Variants in RSF1 observed in about 807,000 individuals in gnomAD.
The protein encoded by RSF1 is HBV pX-associated protein 8.
In RSF1, 13 loss-of-function variants were observed where a neutral mutation model predicts 145.2. The ratio of observed to expected loss-of-function variants is 0.09; its 90% CI spans 0.06 to 0.14. The LOEUF is 0.14. RSF1 is among the 10% of genes least tolerant of loss of function. The probability of loss-of-function intolerance (pLI) is 1.00; values close to 1 mark genes in which losing one functional copy is unlikely to be tolerated. For synonymous variants in RSF1, 577 were observed against 592.6 expected, an observed-to-expected ratio of 0.97 and a Z score of 0.38; for missense variants, 1,517 against 1,718.2, an observed-to-expected ratio of 0.88 and a Z score of 2.07.
At chr11:77,800,097 A>C (rs1426397448) in intron 1 of RSF1, among the ~76,000 whole-genome samples, 1 of 152,166 alleles carries the variant, frequency 6.6e-6, no homozygotes, top group East Asian at 1.9e-4. Context: ...GTGCCCTACG[A>C]TTGCTCCCGT....
At chr11:77,683,567 T>G in intron 11 of RSF1, 143 bp downstream of exon 11, 2 of 491,182 alleles carry the variant, frequency 4.1e-6, no homozygotes, top group South Asian at 9.3e-5. Flanking sequence ...AAAAAAAAAA[T>G]TCTATGACTA....
At chr11:77,669,297 C>T (rs1474077643) in intron 15 of RSF1, among the ~76,000 whole-genome samples, 1 of 152,162 alleles carries the variant, frequency 6.6e-6, no homozygotes, top group African/African-American at 2.4e-5. Context: ...AGCTTCTGCC[C>T]TGGCCCCCTT....
Position 77,685,120 on chromosome 11 carries a change from G to A in RSF1, c.2940C>T (p.Asn980=). The change falls in exon 10 of 16, where the codon AAC becomes AAT. Residue 980 remains asparagine, a synonymous_variant. Coordinates refer to ENST00000308488, the MANE Select transcript of RSF1 (RefSeq NM_016578.4). The part of the protein sequence containing the change: ...RLVYVGISIE[N]IIPPQEPDFS... ...AGAAACTTACTTGTGGAGGAATGAT[G>A]TTTTCAATACTGATACCAACATACA... is the stretch of plus-strand genomic sequence containing the variant. 6.5e-7 allele frequency: 1 copy of A among 1,547,394 alleles called. No homozygotes were observed. Among genetic ancestry groups the A allele is most frequent in the Non-Finnish European group, 8.7e-7 (1 of 1,146,656 alleles).
chr11:77,720,056 T>C (rs1240333657), intron 5 of RSF1, among the ~76,000 whole-genome samples: 1 of 152,196 alleles, frequency 6.6e-6, no homozygotes, highest in Non-Finnish European at 1.5e-5. Flanking sequence ...AATTAGTGGT[T>C]ATGGTTGCAC....
chr11:77,675,384 G>A (rs558929379), intron 13 of RSF1, 128 bp from the exon 14 acceptor site: 10 of 664,710 alleles, frequency 1.5e-5, no homozygotes, highest in South Asian at 1.3e-4. Context: ...CTGGATAATT[G>A]TATCAAATGC....
chr11:77,783,545 G>T (rs181409429), intron 1 of RSF1, among the ~76,000 whole-genome samples: 83 of 152,210 alleles, frequency 5.5e-4, no homozygotes, highest in South Asian at 1.9e-3. Context: ...TAGTACTTTT[G>T]TAACATCCAT....
intron 5 of RSF1, among the ~76,000 whole-genome samples, chr11:77,711,325 G>A (rs2135867182): frequency 6.6e-6 from 1 of 152,066 alleles, no homozygotes; most frequent in South Asian, 2.1e-4. Context: ...AACATTTTCA[G>A]AATAACAATA....
intron 1 of RSF1, among the ~76,000 whole-genome samples, chr11:77,783,378 T>G (rs1948423203): frequency 6.6e-6 from 1 of 152,230 alleles, no homozygotes. Context: ...TCACTTTGTC[T>G]AGGTCCAAGT....
chr11:77,713,529 G>A (rs1441893737), intron 5 of RSF1, among the ~76,000 whole-genome samples: 1 of 152,158 alleles, frequency 6.6e-6, no homozygotes, highest in Non-Finnish European at 1.5e-5. Context: ...ATGTTGAATG[G>A]TCTGCACTGA....
intron 4 of RSF1, among the ~76,000 whole-genome samples, chr11:77,728,877 A>T (rs1311616203): frequency 1.3e-5 from 2 of 151,868 alleles, no homozygotes; most frequent in Non-Finnish European, 2.9e-5. Flanking sequence ...AAAAAAAAAA[A>T]ACTGCTCAAT....
intron 11 of RSF1, among the ~76,000 whole-genome samples, chr11:77,682,787 C>G (rs947844343): frequency 6.6e-6 from 1 of 152,168 alleles, no homozygotes; most frequent in Non-Finnish European, 1.5e-5. Flanking sequence ...GGGAAAAGAA[C>G]TGGTTGCTAT....
rs763316597 is a variant in RSF1, at chr11:77,820,688, CGCCGCCGCT to C, written c.18_26del (p.Ala7_Ala9del). The C allele has an allele frequency of 5.4e-5, 84 of 1,551,922 alleles. No homozygotes were observed. In the African/African-American group the frequency reaches 9.7e-4, roughly 18 times the overall value. On this transcript the variant is annotated inframe_deletion, in exon 1 of 16. Coordinates refer to ENST00000308488, the MANE Select transcript of RSF1 (RefSeq NM_016578.4). ...CCGGGCAGCCCGGAGGAGCCATCAC[CGCCGCCGCT>C]GCCGCCGCCGTCGCCATTTTGAACT...
chr11:77,837,123 T>TTTTG, the RSF1 span, among the ~76,000 whole-genome samples: 6 of 152,216 alleles, frequency 3.9e-5, no homozygotes, highest in South Asian at 2.1e-4. Flanking sequence ...TGTTTGAGTT[T>TTTTG]TTTGTTTGTT....
At chr11:77,784,771 A>G (rs879411068) in intron 1 of RSF1, among the ~76,000 whole-genome samples, 2 of 152,174 alleles carry the variant, frequency 1.3e-5, no homozygotes, top group Non-Finnish European at 2.9e-5. Flanking sequence ...GCTACAAAGA[A>G]TATTTCACTC....
intron 1 of RSF1, among the ~76,000 whole-genome samples, chr11:77,812,150 G>A (rs918285846): frequency 5.3e-5 from 8 of 152,166 alleles, no homozygotes; most frequent in African/African-American, 1.9e-4. Flanking sequence ...CTGCACTCCA[G>A]CCTGGGTGAC....
rs552283710 is a variant in RSF1 at position 77,663,219 on chromosome 11, T to G, written c.*3698A>C. Reference sequence around the variant, plus strand: ...TTGTGTGGTAGAATCAGCAAAGGGTTAACATCTCTTATGCCCACAAACAAG... The same window carrying G: ...TTGTGTGGTAGAATCAGCAAAGGGTGAACATCTCTTATGCCCACAAACAAG... On this transcript the variant is annotated 3_prime_UTR_variant, in exon 16 of 16. Coordinates refer to ENST00000308488, the MANE Select transcript of RSF1 (RefSeq NM_016578.4). 1 of 152,288 alleles carries G rather than the reference T, an allele frequency of 6.6e-6. No individual in the cohort carries two copies. The highest frequency in any genetic ancestry group is 2.1e-4 in the South Asian group (1 of 4,826). The allele number at this position is 152,288 out of a possible 1,614,324, so 9.4% of individuals were successfully genotyped here.
At position 77,701,229 on chromosome 11, in the gene RSF1, T is replaced by C. The variant is rs200268980; in HGVS notation, c.2000A>G (p.Glu667Gly). ...GGQSVKKVDL[E>G]TLKEDSEFTK... Reference sequence around the variant, plus strand: ...GAACTCAGAATCCTCTTTTAGGGTTTCTAGGTCTACTTTTTTCACAGACTG... The same window carrying C: ...GAACTCAGAATCCTCTTTTAGGGTTCCTAGGTCTACTTTTTTCACAGACTG... Residue 667 changes from glutamate (E) to glycine (G), a missense_variant, in exon 6 of 16, where the codon GAA (glutamate) becomes GGA (glycine). Glu to Gly is a moderately conservative substitution (Grantham distance 98). Coordinates refer to ENST00000308488, the MANE Select transcript of RSF1 (RefSeq NM_016578.4). 6.2e-7 allele frequency: 1 copy of C among 1,614,164 alleles called. No individual in the cohort carries two copies. The highest frequency in any genetic ancestry group is 8.5e-7 in the Non-Finnish European group (1 of 1,180,034).
In RSF1 at chr11:77,698,619, T is replaced by G; in HGVS notation, c.2583A>C (p.Glu861Asp). 6.2e-7 allele frequency: 1 copy of G among 1,614,170 alleles called. No individual in the cohort carries two copies. Among genetic ancestry groups the G allele is most frequent in the Non-Finnish European group, 8.5e-7 (1 of 1,180,032 alleles). Reference protein sequence around the residue: ...RGRWKYSSNDESEGSGSEKSS... With the variant: ...RGRWKYSSNDDSEGSGSEKSS... ...ATTTTTCACTGCCAGACCCTTCACT[T>G]TCATCATTGCTGGAATATTTCCATC... is the stretch of plus-strand genomic sequence containing the variant. The change falls in exon 7 of 16, where the codon GAA (glutamate) becomes GAC (aspartate). Residue 861 changes from glutamate (E) to aspartate (D), a missense_variant. Physicochemically the swap from Glu to Asp is conservative, Grantham distance 45. Around this residue, in one of 12 missense-constraint regions of RSF1, gnomAD observed 579 missense variants for 553.5 expected, o/e 1.05. Transcript: ENST00000308488.
chr11:77,731,789 C>A (rs1412897389), intron 4 of RSF1, among the ~76,000 whole-genome samples: 2 of 152,240 alleles, frequency 1.3e-5, no homozygotes, highest in African/African-American at 2.4e-5. Context: ...CACAGAAGAA[C>A]TGGAGTTTGG....
Sources: allele counts gnomAD v4.1 joint callset (sites outside exome capture counted in the v4.1 genomes callset), GRCh38; gene constraint gnomAD v4.1.1; regional missense constraint gnomAD v4.1.1; transcripts MANE v1.5; gene names NCBI Gene and HGNC (gene_info 2026-07-23, HGNC 2026-07-21).